SLC67A1: variants seen among roughly 807,000 people sequenced by gnomAD.
SLC67A1 encodes the protein solute carrier family 67 member A1.
chr11:2,919,046 C>T, the SLC67A1 span: 1 of 511,466 alleles, frequency 2.0e-6, no homozygotes, highest in Non-Finnish European at 3.6e-6. Flanking sequence ...CGTGGTCAGC[C>T]CTGGGTCCCT....
the SLC67A1 span, chr11:2,921,269 C>T: frequency 1.4e-4 from 21 of 148,532 alleles, no homozygotes; most frequent in African/African-American, 4.4e-4. Flanking sequence ...TCCCAAAAAA[C>T]CCTAAGATAA....
chr11:2,919,112 CTTTCCACACCAGGGATACGGCAG>C, the SLC67A1 span: 1 of 355,288 alleles, frequency 2.8e-6, no homozygotes. Flanking sequence ...ACGAGAGGCA[CTTTCCACACCAGGGATACGGCAG>C]AATCCCAGGG....
At chr11:2,906,479 T>A in the SLC67A1 span, among the ~76,000 whole-genome samples, 5 of 152,148 alleles carry the variant, frequency 3.3e-5, no homozygotes, top group Non-Finnish European at 5.9e-5. Flanking sequence ...CAAATGTCCA[T>A]CAGTGATAGA....
the SLC67A1 span, chr11:2,922,305 C>A: frequency 6.7e-7 from 1 of 1,500,122 alleles, no homozygotes; most frequent in Non-Finnish European, 9.2e-7. Context: ...CTCCTCCAGC[C>A]CCCCACACCC....
the SLC67A1 span, chr11:2,917,964 G>A: frequency 2.5e-6 from 4 of 1,591,962 alleles, no homozygotes; most frequent in South Asian, 3.4e-5. Flanking sequence ...GCCTTTGCAG[G>A]CCTGAATGGC....
the SLC67A1 span, chr11:2,920,120 G>C: frequency 6.6e-6 from 1 of 152,616 alleles, no homozygotes; most frequent in African/African-American, 2.4e-5. Context: ...GCCAGGGTGG[G>C]GGTGGGGGCT....
the SLC67A1 span, chr11:2,922,376 C>T: frequency 2.5e-6 from 4 of 1,588,014 alleles, no homozygotes; most frequent in Non-Finnish European, 2.6e-6. Flanking sequence ...GGTAAGACCC[C>T]AGAGAGGAGC....
the SLC67A1 span, chr11:2,899,802 C>T: frequency 4.0e-5 from 52 of 1,310,846 alleles, 2 homozygotes; most frequent in African/African-American, 5.5e-4. Context: ...TGGAGGAAGA[C>T]AGTGGTAAGT....
the SLC67A1 span, among the ~76,000 whole-genome samples, chr11:2,905,509 TC>T: frequency 2.0e-5 from 3 of 152,354 alleles, no homozygotes; most frequent in African/African-American, 7.2e-5. Context: ...CATGAACTCA[TC>T]CTTTTTTATG....
the SLC67A1 span, chr11:2,909,730 G>A: frequency 2.0e-6 from 3 of 1,474,552 alleles, no homozygotes; most frequent in African/African-American, 1.5e-5. Context: ...GGGGGCCGGG[G>A]CGGAGTCTGT....
chr11:2,925,005 C>G, the SLC67A1 span: 8 of 1,606,300 alleles, frequency 5.0e-6, no homozygotes, highest in Admixed American at 5.0e-5. This position sits in a 1 kb window ranked among gnomAD's most constrained non-coding sequence, Gnocchi z 6.5. Context: ...CCATGCACCC[C>G]CCAGGGACCA....
the SLC67A1 span, chr11:2,909,175 G>A: frequency 2.7e-6 from 4 of 1,488,516 alleles, no homozygotes; most frequent in Non-Finnish European, 3.6e-6. Flanking sequence ...GTGAGGGTCC[G>A]ACCCGCCCCT....
the SLC67A1 span, chr11:2,921,869 T>G: frequency 1.8e-6 from 1 of 560,528 alleles, no homozygotes; most frequent in Non-Finnish European, 3.2e-6. Context: ...CTTCCTCCCT[T>G]GTGGAGAGGA....
At chr11:2,919,316 T>C in the SLC67A1 span, 3 of 1,613,660 alleles carry the variant, frequency 1.9e-6, no homozygotes, top group Non-Finnish European at 2.5e-6. Context: ...GGGCTCTTCA[T>C]GGTCATGTTC....
chr11:2,902,859 A>G, the SLC67A1 span: 7 of 611,884 alleles, frequency 1.1e-5, no homozygotes, highest in Admixed American at 2.3e-4. Flanking sequence ...TGTTGGGGAC[A>G]GGGCCACTGT....
the SLC67A1 span, chr11:2,918,158 G>A: frequency 7.6e-7 from 1 of 1,309,178 alleles, no homozygotes; most frequent in South Asian, 1.3e-5. Context: ...TGCGGCCAGG[G>A]CCCGGCCCTT....
chr11:2,924,228 T>TG, the SLC67A1 span, among the ~76,000 whole-genome samples: 1 of 152,312 alleles, frequency 6.6e-6, no homozygotes, highest in African/African-American at 2.4e-5. The surrounding 1 kb of genome is among the most constrained non-coding windows in gnomAD (Gnocchi z 8.6). Flanking sequence ...AGCAGGCTGC[T>TG]GCGCAGGTCG....
At chr11:2,917,884 T>C in the SLC67A1 span, 15 of 792,228 alleles carry the variant, frequency 1.9e-5, no homozygotes, top group Non-Finnish European at 3.0e-5. Context: ...AGCTTTACCC[T>C]GGCGGGCGCA....
chr11:2,920,880 C>T, the SLC67A1 span: 3 of 152,182 alleles, frequency 2.0e-5, no homozygotes, highest in Non-Finnish European at 2.9e-5. Context: ...CACTGTGAGC[C>T]CCTCTTAGAC....
Sources: allele counts gnomAD v4.1 joint callset (sites outside exome capture counted in the v4.1 genomes callset), GRCh38; gene constraint gnomAD v4.1.1; non-coding constraint Gnocchi (gnomAD v3.1); transcripts MANE v1.5; gene names NCBI Gene and HGNC (gene_info 2026-07-23, HGNC 2026-07-21).